The following YTHDC2 variants were observed in gnomAD, a reference collection of about 807,000 sequenced individuals.
YTHDC2 encodes YTH N6-methyladenosine RNA binding protein C2.
A neutral mutation model predicts 174.9 loss-of-function variants in YTHDC2; 45 were observed. The observed-to-expected ratio is 0.26, with a 90% CI of 0.20 to 0.33. YTHDC2 has a LOEUF of 0.33. Among genes scored for constraint, YTHDC2 ranks in the 10% least tolerant of loss-of-function variants. The pLI, the probability that YTHDC2 is intolerant of heterozygous loss-of-function variation, is 1.00. For synonymous variants in YTHDC2, 657 were observed against 574.5 expected, an observed-to-expected ratio of 1.14 and a Z score of -2.05; for missense variants, 1,650 against 1,723.7, an observed-to-expected ratio of 0.96 and a Z score of 0.76.
At position 113,513,736 on chromosome 5, in the gene YTHDC2, C is replaced by T; in HGVS notation, c.-160C>T. 4 of 741,100 alleles carry T rather than the reference C, an allele frequency of 5.4e-6. No homozygotes were observed. The highest frequency in any genetic ancestry group is 2.0e-5 in the South Asian group (1 of 50,052). The allele number at this position is 741,100 out of a possible 1,614,324, so 45.9% of individuals were successfully genotyped here. On this transcript the variant is annotated 5_prime_UTR_variant, in exon 1 of 30. Transcript: ENST00000161863. The stretch of plus-strand genomic sequence containing the variant: ...GATATCAATGGCGCAGGCTTCACTT[C>T]TGCTGTGGCGGTGACTGAGGCCTTT...
At chr5:113,518,695 C>G (rs888255410) in intron 2 of YTHDC2, among the ~76,000 whole-genome samples, 1 of 151,874 alleles carries the variant, frequency 6.6e-6, no homozygotes, top group African/African-American at 2.4e-5. Context: ...TCCAGTCTCT[C>G]ATTGACTCAT....
chr5:113,577,342 T>C (rs1449966696), intron 23 of YTHDC2, among the ~76,000 whole-genome samples: 1 of 150,296 alleles, frequency 6.7e-6, no homozygotes. Flanking sequence ...TGTAATCCTT[T>C]TGCAAACAAC....
At chr5:113,573,495 C>T (rs1295088360) in intron 23 of YTHDC2, among the ~76,000 whole-genome samples, 1 of 152,034 alleles carries the variant, frequency 6.6e-6, no homozygotes, top group African/African-American at 2.4e-5. Flanking sequence ...CTCTGGATTT[C>T]CTGAATTTGA....
At chr5:113,540,873 G>A in intron 8 of YTHDC2, 95 bp from the exon 9 acceptor site, 1 of 1,209,228 alleles carries the variant, frequency 8.3e-7, no homozygotes, top group Non-Finnish European at 1.1e-6. Flanking sequence ...CAACTTTTAA[G>A]AGATACCAGA....
intron 23 of YTHDC2, among the ~76,000 whole-genome samples, chr5:113,574,093 C>T (rs1033396905): frequency 2.6e-5 from 4 of 152,126 alleles, no homozygotes; most frequent in African/African-American, 7.2e-5. Context: ...CCTTTGCGGG[C>T]TTATCTACCT....
chr5:113,571,021 A>G (rs530904782), intron 23 of YTHDC2, among the ~76,000 whole-genome samples: 3 of 152,298 alleles, frequency 2.0e-5, no homozygotes, highest in South Asian at 2.1e-4. Context: ...CCTATGTTGA[A>G]TAAGAGTGAT....
In YTHDC2 at chr5:113,592,059, C is replaced by T. The variant is rs768687147; in HGVS notation, c.4093C>T (p.Leu1365=). Residue 1365 remains leucine (L), a synonymous_variant, in exon 28 of 30, where the codon CTA becomes TTA. Coordinates refer to ENST00000161863, the MANE Select transcript of YTHDC2 (RefSeq NM_022828.5). ...GAGTCAGGACTGGGGCTCTGCTGGA[C>T]TAGGAGGAGTATTTAAGGTGGAGTG... ...EKSQDWGSAG[L]GGVFKVEWIR... 1 of 1,612,854 alleles carries T rather than the reference C, an allele frequency of 6.2e-7. No homozygotes were observed. Among genetic ancestry groups the T allele is most frequent in the East Asian group, 2.2e-5 (1 of 44,836 alleles).
chr5:113,592,384 CA>C, intron 28 of YTHDC2: 1 of 425,930 alleles, frequency 2.3e-6, no homozygotes, highest in Non-Finnish European at 4.1e-6. Flanking sequence ...CTCAAGATGA[CA>C]ATAGTATTTA....
intron 17 of YTHDC2, among the ~76,000 whole-genome samples, chr5:113,560,564 G>GAT (rs1776895995): frequency 6.6e-6 from 1 of 152,160 alleles, no homozygotes; most frequent in South Asian, 2.1e-4. Flanking sequence ...GCCATTAGCT[G>GAT]ATATAGTGAC....
intron 4 of YTHDC2, among the ~76,000 whole-genome samples, chr5:113,530,000 G>A (rs1774544168): frequency 6.6e-6 from 1 of 151,996 alleles, no homozygotes; most frequent in Non-Finnish European, 1.5e-5. Context: ...TCACAGAGTT[G>A]ATTATAGCTC....
At chr5:113,551,559 G>T (rs1187764630) in intron 12 of YTHDC2, among the ~76,000 whole-genome samples, 1 of 152,042 alleles carries the variant, frequency 6.6e-6, no homozygotes, top group Non-Finnish European at 1.5e-5. Context: ...TAAGAGCTGA[G>T]AACACATGGA....
intron 19 of YTHDC2, 42 bp downstream of exon 19, chr5:113,563,534 T>G (rs759143740): frequency 1.3e-6 from 2 of 1,542,398 alleles, no homozygotes; most frequent in South Asian, 2.6e-5. Flanking sequence ...CATTTTTACT[T>G]GAAATTTTAA....
intron 18 of YTHDC2, among the ~76,000 whole-genome samples, chr5:113,561,437 T>TA (rs1391762078): frequency 8.0e-5 from 12 of 149,960 alleles, no homozygotes; most frequent in Non-Finnish European, 1.6e-4. Context: ...TATATATATA[T>TA]TTTTTATCTA....
chr5:113,517,512 A>G (rs1348829024), intron 2 of YTHDC2: 1 of 455,626 alleles, frequency 2.2e-6, no homozygotes, highest in Non-Finnish European at 4.4e-6. Context: ...GGGAAGGAGA[A>G]TTCAAGAAGG....
intron 2 of YTHDC2, among the ~76,000 whole-genome samples, chr5:113,515,929 A>T (rs1172754958): frequency 6.6e-6 from 1 of 152,092 alleles, no homozygotes; most frequent in East Asian, 1.9e-4. Context: ...AAGAGTCTAG[A>T]GTGGTTTCTC....
intron 16 of YTHDC2, among the ~76,000 whole-genome samples, chr5:113,555,750 A>G (rs1319091947): frequency 2.0e-5 from 3 of 152,172 alleles, no homozygotes; most frequent in African/African-American, 4.8e-5. Flanking sequence ...TCCAATCTTG[A>G]TGTCTTATGA....
chr5:113,519,362 C>G (rs965176222), intron 2 of YTHDC2, among the ~76,000 whole-genome samples: 2 of 152,076 alleles, frequency 1.3e-5, no homozygotes, highest in African/African-American at 4.8e-5. Context: ...TAAAGTCACG[C>G]TGAGGTCAGT....
intron 7 of YTHDC2, among the ~76,000 whole-genome samples, chr5:113,537,266 G>A (rs1484593389): frequency 1.3e-5 from 2 of 151,432 alleles, no homozygotes; most frequent in African/African-American, 4.8e-5. Flanking sequence ...TACCGGTGTC[G>A]TTTGACATTA....
At chr5:113,542,749 A>G (rs1775575849) in intron 10 of YTHDC2, among the ~76,000 whole-genome samples, 3 of 152,264 alleles carry the variant, frequency 2.0e-5, no homozygotes, top group Admixed American at 2.0e-4. Context: ...CTGTGTGATT[A>G]CATGACAATT....
Sources: gnomAD v4.1 joint callset for allele counts (sites outside exome capture counted in the v4.1 genomes callset) on GRCh38, gnomAD v4.1.1 for gene constraint, MANE v1.5 for transcripts, NCBI Gene and HGNC (gene_info 2026-07-23, HGNC 2026-07-21) for gene names.